Variants in HDAC8 observed in about 807,000 individuals in gnomAD.
The protein encoded by HDAC8 is histone deacetylase-like 1.
Under a neutral mutation model 32.2 loss-of-function variants are expected in HDAC8, and 1 was observed. The observed-to-expected ratio is 0.03, with a 90% CI of 0.01 to 0.15. The LOEUF is 0.15. Ranked by LOEUF, HDAC8 falls within the 10% of genes least tolerant of loss-of-function variation. The probability of loss-of-function intolerance (pLI) is 1.00; values close to 1 mark genes in which losing one functional copy is unlikely to be tolerated. For synonymous variants in HDAC8, 108 were observed against 113.9 expected (o/e 0.95, Z 0.33); for missense variants, 117 against 300.0 (o/e 0.39, Z 4.51).
intron 9 of HDAC8, among the ~76,000 whole-genome samples, chrX:72,437,700 A>T (rs781933834): frequency 1.8e-5 from 2 of 111,784 alleles, no homozygotes; most frequent in African/African-American, 3.2e-5. Flanking sequence ...GCGGTTTTCC[A>T]CTCACAGTGT....
intron 9 of HDAC8, among the ~76,000 whole-genome samples, chrX:72,441,612 C>T (rs1225459815): frequency 8.9e-6 from 1 of 111,821 alleles, no homozygotes; most frequent in Non-Finnish European, 1.9e-5. Context: ...ACTGGAAACT[C>T]TAAAAAGCAG....
At chrX:72,466,412 G>A in intron 7 of HDAC8, among the ~76,000 whole-genome samples, 1 of 112,144 alleles carries the variant, frequency 8.9e-6, no homozygotes, top group Non-Finnish European at 1.9e-5. Flanking sequence ...GACAAATGAA[G>A]TGTCAGAAAT....
At chrX:72,570,236 T>A (rs782603585) in intron 2 of HDAC8, among the ~76,000 whole-genome samples, 17 of 112,071 alleles carry the variant, frequency 1.5e-4, no homozygotes, top group African/African-American at 5.5e-4. Flanking sequence ...GGACCGTATT[T>A]CCCAGTCCTA....
intron 4 of HDAC8, among the ~76,000 whole-genome samples, chrX:72,545,145 A>G (rs2050822523): frequency 8.9e-6 from 1 of 112,134 alleles, no homozygotes; most frequent in Non-Finnish European, 1.9e-5. Flanking sequence ...AAATGCTGGT[A>G]GCAAAATTCT....
intron 4 of HDAC8, among the ~76,000 whole-genome samples, chrX:72,536,179 C>T (rs1556039197): frequency 8.9e-6 from 1 of 112,113 alleles, no homozygotes; most frequent in East Asian, 2.8e-4. Context: ...AGAACTGACT[C>T]AATGGCTTTT....
chrX:72,366,128 G>C (rs1555954265), intron 9 of HDAC8, among the ~76,000 whole-genome samples: 1 of 112,173 alleles, frequency 8.9e-6, no homozygotes, highest in East Asian at 2.8e-4. Flanking sequence ...CAAAATCCTA[G>C]TCAGCCTCTA....
intron 7 of HDAC8, among the ~76,000 whole-genome samples, chrX:72,487,772 A>T (rs1556006806): frequency 9.1e-6 from 1 of 109,783 alleles, no homozygotes; most frequent in Non-Finnish European, 1.9e-5. Context: ...GGCACTGTTA[A>T]GAAAGGGATT....
intron 5 of HDAC8, among the ~76,000 whole-genome samples, chrX:72,491,715 A>T (rs1255719774): frequency 9.0e-6 from 1 of 111,563 alleles, no homozygotes; most frequent in Non-Finnish European, 1.9e-5. Context: ...TGAGTAAACG[A>T]TTAGAGGCCT....
intron 7 of HDAC8, among the ~76,000 whole-genome samples, chrX:72,484,527 T>A (rs1429783217): frequency 4.4e-5 from 5 of 112,588 alleles, no homozygotes; most frequent in African/African-American, 1.6e-4. Flanking sequence ...ATACACATTA[T>A]AAGCACTTCA....
At chrX:72,354,749 A>T (rs1440936995) in intron 9 of HDAC8, among the ~76,000 whole-genome samples, 1 of 111,785 alleles carries the variant, frequency 8.9e-6, no homozygotes, top group Non-Finnish European at 1.9e-5. Flanking sequence ...ATAGTGGTGA[A>T]TTCTGAGATT....
chrX:72,468,697 A>G (rs941927275), intron 7 of HDAC8, among the ~76,000 whole-genome samples: 6 of 111,549 alleles, frequency 5.4e-5, no homozygotes, highest in Admixed American at 9.5e-5. Context: ...TGATTCAAAT[A>G]CTAGAGACAC....
intron 4 of HDAC8, among the ~76,000 whole-genome samples, chrX:72,520,426 A>G (rs1351526985): frequency 8.9e-6 from 1 of 111,942 alleles, no homozygotes; most frequent in Non-Finnish European, 1.9e-5. Flanking sequence ...AAACTTATGG[A>G]AGAGTTGAAA....
chrX:72,450,055 G>T (rs2047531856), intron 9 of HDAC8, among the ~76,000 whole-genome samples: 1 of 112,081 alleles, frequency 8.9e-6, no homozygotes, highest in South Asian at 3.7e-4. Context: ...CTATACCATG[G>T]AATACCATTC....
chrX:72,485,124 C>A (rs2084471132), intron 7 of HDAC8, among the ~76,000 whole-genome samples: 1 of 111,016 alleles, frequency 9.0e-6, no homozygotes, highest in Non-Finnish European at 1.9e-5. Context: ...TATAGTATAC[C>A]TCTATCATCT....
chrX:72,351,997 G>A (rs1291596261), intron 9 of HDAC8, among the ~76,000 whole-genome samples, 159 bp from the exon 10 acceptor site: 9 of 112,113 alleles, frequency 8.0e-5, no homozygotes, highest in Admixed American at 7.5e-4. Context: ...TGCCTTGGTG[G>A]TATCACTACT....
chrX:72,375,751 T>C (rs2045047049), intron 9 of HDAC8, among the ~76,000 whole-genome samples: 1 of 111,992 alleles, frequency 8.9e-6, no homozygotes, highest in Admixed American at 9.5e-5. Context: ...TAATCTCTTC[T>C]GGAAACACCC....
intron 4 of HDAC8, among the ~76,000 whole-genome samples, chrX:72,547,178 A>G (rs2050890725): frequency 9.0e-6 from 1 of 111,583 alleles, no homozygotes; most frequent in Admixed American, 9.6e-5. Context: ...ATTAATGACC[A>G]TCTTAATTGT....
chrX:72,546,661 A>G (rs1434641421), intron 4 of HDAC8, among the ~76,000 whole-genome samples: 1 of 111,110 alleles, frequency 9.0e-6, no homozygotes, highest in Non-Finnish European at 1.9e-5. Context: ...TTCCTAAGAC[A>G]CTGATGACAG....
chrX:72,495,960 T>G (rs1189042863), intron 4 of HDAC8, among the ~76,000 whole-genome samples: 6 of 112,029 alleles, frequency 5.4e-5, no homozygotes, highest in African/African-American at 1.9e-4. Context: ...GTGCTATCAG[T>G]GATAATGCGT....
Sources: allele counts gnomAD v4.1 joint callset (sites outside exome capture counted in the v4.1 genomes callset), GRCh38; gene constraint gnomAD v4.1.1; transcripts MANE v1.5; gene names NCBI Gene and HGNC (gene_info 2026-07-23, HGNC 2026-07-21).